CAMK2D: variants seen among roughly 807,000 people sequenced by gnomAD.
The protein encoded by CAMK2D is calcium/calmodulin-dependent protein kinase type II subunit delta.
CAMK2D carries 37 observed loss-of-function variants against 84.0 expected under a neutral mutation model. That is an observed-to-expected ratio of 0.44 (90% CI 0.34 to 0.58). CAMK2D has a LOEUF of 0.58. CAMK2D is among the 20% of genes least tolerant of loss of function. CAMK2D has a pLI of 0.02. For synonymous variants in CAMK2D, 202 were observed against 212.5 expected (o/e 0.95, Z 0.43); for missense variants, 448 against 652.5 (o/e 0.69, Z 3.41).
chr4:113,739,550 G>A (rs1463009960), intron 2 of CAMK2D, among the ~76,000 whole-genome samples: 1 of 152,106 alleles, frequency 6.6e-6, no homozygotes, highest in Non-Finnish European at 1.5e-5. Flanking sequence ...AAAAGTCTAT[G>A]ATACAAATAA....
intron 4 of CAMK2D, among the ~76,000 whole-genome samples, chr4:113,564,415 T>C (rs1180169194): frequency 6.6e-6 from 1 of 152,222 alleles, no homozygotes; most frequent in African/African-American, 2.4e-5. Flanking sequence ...AGCTTATACA[T>C]TCTTCAAGAA....
chr4:113,605,714 C>T (rs538865562), intron 4 of CAMK2D, among the ~76,000 whole-genome samples: 4 of 152,064 alleles, frequency 2.6e-5, no homozygotes, highest in South Asian at 4.2e-4. Flanking sequence ...AAAATCCCTG[C>T]GTTCCAATAA....
At chr4:113,735,034 G>T (rs2099577674) in intron 2 of CAMK2D, among the ~76,000 whole-genome samples, 2 of 151,220 alleles carry the variant, frequency 1.3e-5, no homozygotes, top group African/African-American at 4.9e-5. Context: ...TTTTAAAAAA[G>T]TAAAACACAC....
chr4:113,548,921 A>G (rs371849686), intron 5 of CAMK2D, among the ~76,000 whole-genome samples: 17 of 152,244 alleles, frequency 1.1e-4, no homozygotes, highest in South Asian at 8.3e-4. Flanking sequence ...CAAAAATGAC[A>G]TCCAACATAG....
At chr4:113,625,093 T>C (rs1373894657) in intron 3 of CAMK2D, among the ~76,000 whole-genome samples, 1 of 152,128 alleles carries the variant, frequency 6.6e-6, no homozygotes, top group Non-Finnish European at 1.5e-5. Context: ...ATACAGGAGG[T>C]AGCAGCAGGA....
chr4:113,662,249 T>C (rs1339687186), intron 2 of CAMK2D, among the ~76,000 whole-genome samples: 1 of 152,308 alleles, frequency 6.6e-6, no homozygotes. Context: ...CTCCTTACAA[T>C]TGTTGGCTCA....
At chr4:113,513,253 T>C in intron 12 of CAMK2D, 75 bp downstream of exon 12, 1 of 1,579,962 alleles carries the variant, frequency 6.3e-7, no homozygotes, top group Non-Finnish European at 8.6e-7. Flanking sequence ...ATTTTTAAAA[T>C]TCCAGAGACA....
chr4:113,456,210 T>C (rs1297855242), intron 19 of CAMK2D, among the ~76,000 whole-genome samples: 1 of 152,166 alleles, frequency 6.6e-6, no homozygotes, highest in Non-Finnish European at 1.5e-5. Flanking sequence ...GCTACCAAAC[T>C]AAGAAATCAT....
intron 16 of CAMK2D, among the ~76,000 whole-genome samples, chr4:113,495,562 AT>A (rs2154144415): frequency 6.6e-6 from 1 of 152,344 alleles, no homozygotes; most frequent in East Asian, 1.9e-4. Flanking sequence ...CAGAGAGCTC[AT>A]TAATCAAGTG....
intron 15 of CAMK2D, 68 bp from the exon 16 acceptor site, chr4:113,500,579 G>C: frequency 9.6e-7 from 1 of 1,036,542 alleles, no homozygotes; most frequent in African/African-American, 1.6e-5. Flanking sequence ...TTAAAAATTG[G>C]CTAGTGACAT....
intron 16 of CAMK2D, among the ~76,000 whole-genome samples, chr4:113,482,550 G>A (rs1252959893): frequency 6.6e-6 from 1 of 152,210 alleles, no homozygotes; most frequent in African/African-American, 2.4e-5. Flanking sequence ...AGACTGCACT[G>A]ATAGTACTAT....
chr4:113,607,715 C>T (rs2098983974), intron 4 of CAMK2D, among the ~76,000 whole-genome samples: 1 of 152,168 alleles, frequency 6.6e-6, no homozygotes, highest in African/African-American at 2.4e-5. Context: ...TTTGCTGACT[C>T]CTTTTTTGGA....
chr4:113,747,319 T>TAAA (rs1554093409), intron 2 of CAMK2D, among the ~76,000 whole-genome samples: 14 of 147,262 alleles, frequency 9.5e-5, no homozygotes, highest in African/African-American at 3.0e-4. Context: ...TTTTTTTTTT[T>TAAA]AAATTCAATA....
chr4:113,508,982 C>G (rs1425038071), intron 13 of CAMK2D, among the ~76,000 whole-genome samples: 1 of 152,134 alleles, frequency 6.6e-6, no homozygotes, highest in Non-Finnish European at 1.5e-5. Flanking sequence ...TACATTCCAA[C>G]AAGAGTAAAT....
At position 113,455,813 on chromosome 4, in the gene CAMK2D, C is replaced by T; in HGVS notation, c.1544G>A (p.Cys515Tyr). 1 of 1,607,704 alleles carries T rather than the reference C, an allele frequency of 6.2e-7. No homozygotes were observed. The highest frequency in any genetic ancestry group is 2.2e-5 in the East Asian group (1 of 44,798). The change falls in exon 20 of 21, where the codon TGT becomes TAT. Residue 515 changes from cysteine to tyrosine, a missense_variant. By Grantham distance (194) the Cys-to-Tyr change is radical. Coordinates refer to ENST00000511664, the MANE Select transcript of CAMK2D (RefSeq NM_001321571.2). ...GSPTVPIKPP[C>Y]IPNGKENFSG... The stretch of plus-strand genomic sequence containing the variant: ...GAAGTTTTCTTTCCCATTTGGAATA[C>T]AGGGTGGCCTATTAAGAGAAGCCCC...
chr4:113,482,622 A>G (rs2097714506), intron 16 of CAMK2D, among the ~76,000 whole-genome samples: 1 of 152,194 alleles, frequency 6.6e-6, no homozygotes, highest in African/African-American at 2.4e-5. Flanking sequence ...ATATAACTTA[A>G]TCTATAACTT....
chr4:113,527,034 C>G (rs1011648321), intron 8 of CAMK2D, among the ~76,000 whole-genome samples: 1 of 151,562 alleles, frequency 6.6e-6, no homozygotes, highest in East Asian at 1.9e-4. Flanking sequence ...CTTTGTGTCT[C>G]TGTGTCACAT....
chr4:113,703,660 T>C (rs2099429784), intron 2 of CAMK2D, among the ~76,000 whole-genome samples: 1 of 152,228 alleles, frequency 6.6e-6, no homozygotes, highest in South Asian at 2.1e-4. Flanking sequence ...ACTTCTTCAA[T>C]GCACTGTTGA....
At chr4:113,516,999 C>T (rs2098293878) in intron 9 of CAMK2D, among the ~76,000 whole-genome samples, 1 of 151,708 alleles carries the variant, frequency 6.6e-6, no homozygotes, top group Non-Finnish European at 1.5e-5. Context: ...TATATATCTA[C>T]TTTCAAATAT....
Sources: gnomAD v4.1 joint callset for allele counts (sites outside exome capture counted in the v4.1 genomes callset) on GRCh38, gnomAD v4.1.1 for gene constraint, MANE v1.5 for transcripts, NCBI Gene and HGNC (gene_info 2026-07-23, HGNC 2026-07-21) for gene names.